The following PRKAG2 variants were observed in gnomAD, a reference collection of about 807,000 sequenced individuals.
PRKAG2 encodes the protein protein kinase AMP-activated non-catalytic subunit gamma 2.
In PRKAG2, 26 loss-of-function variants were observed where a neutral mutation model predicts 69.6. That is an observed-to-expected ratio of 0.37 (90% CI 0.27 to 0.52). The LOEUF (loss-of-function observed/expected upper bound fraction) is 0.52, where lower values mean the gene tolerates loss of function less well. Among genes scored for constraint, PRKAG2 ranks in the 20% least tolerant of loss-of-function variants. The probability of loss-of-function intolerance (pLI) is 0.90; values close to 1 mark genes in which losing one functional copy is unlikely to be tolerated. For synonymous variants in PRKAG2, 293 were observed against 285.0 expected (o/e 1.03, Z -0.28); for missense variants, 557 against 740.0 (o/e 0.75, Z 2.87).
rs188154954 is a variant in PRKAG2 at position 151,778,502 on chromosome 7, C to T, written c.466+2650G>A. On this transcript the variant is annotated intron_variant, in intron 3 of 15. Transcript: ENST00000287878. ...ATAGCAATGCAAAATGGAGCAACAC[C>T]GCCTCCCATCCTGGACCTCCACACT... is the stretch of plus-strand genomic sequence containing the variant. 4.6e-5 allele frequency among the ~76,000 whole-genome samples: 7 copies of T among 152,254 alleles called. No individual in the cohort carries two copies. In the East Asian group the frequency reaches 9.7e-4, roughly 21 times the overall value.
In PRKAG2 at chr7:151,596,098, G is replaced by A. The variant is rs551105171; in HGVS notation, c.755-644C>T. 4.6e-5 allele frequency among the ~76,000 whole-genome samples: 7 copies of A among 152,284 alleles called. No homozygotes were observed. In the South Asian group the frequency reaches 1.4e-3, roughly 32 times the overall value. On this transcript the variant is annotated intron_variant, in intron 5 of 15. Coordinates refer to ENST00000287878, the MANE Select transcript of PRKAG2 (RefSeq NM_016203.4). ...TGCCTGCTGTTGCTACTCTGTTCAA[G>A]GTAGTACTGGAAGTCCTTGTCAGAG...
intron 4 of PRKAG2, among the ~76,000 whole-genome samples, chr7:151,654,126 C>A (rs1274329321): frequency 6.6e-6 from 1 of 152,002 alleles, no homozygotes; most frequent in Non-Finnish European, 1.5e-5. Context: ...ACAGACAAAC[C>A]CATCCTTTTG....
intron 3 of PRKAG2, among the ~76,000 whole-genome samples, chr7:151,687,234 G>T (rs975168778): frequency 6.6e-6 from 1 of 152,196 alleles, no homozygotes; most frequent in African/African-American, 2.4e-5. Context: ...GGAGGTCAGA[G>T]TTCTACATCA....
intron 1 of PRKAG2, chr7:151,790,572 C>T (rs1232527990): frequency 6.6e-6 from 1 of 152,242 alleles, no homozygotes; most frequent in African/African-American, 2.4e-5. Context: ...ACTCCCCGAC[C>T]AAGCACCCTC....
In PRKAG2 at chr7:151,565,859, G is replaced by A. The variant is rs759892892; in HGVS notation, c.1260C>T (p.Phe420=). The change falls in exon 12 of 16, where the codon TTC becomes TTT. Residue 420 remains phenylalanine, a synonymous_variant. Transcript: ENST00000287878. ...CAAGCTCATCCAGGTTCTGCTTCAT[G>A]AAGGCAGGCTTTGGCATATCAGACA... ...LFMSDMPKPA[F]MKQNLDELGI... is the part of the protein sequence containing the mutation. 1.5e-5 allele frequency: 25 copies of A among 1,613,716 alleles called. No homozygotes were observed. Among genetic ancestry groups the A allele is most frequent in the Non-Finnish European group, 2.5e-6 (3 of 1,179,690 alleles).
At chr7:151,584,058 C>T (rs768621966) in intron 6 of PRKAG2, among the ~76,000 whole-genome samples, 3 of 152,200 alleles carry the variant, frequency 2.0e-5, no homozygotes, top group Admixed American at 1.3e-4. Context: ...AAGGGTCCAG[C>T]TTCTGAAATA....
At chr7:151,659,472 T>G (rs1829984025) in intron 4 of PRKAG2, among the ~76,000 whole-genome samples, 1 of 152,230 alleles carries the variant, frequency 6.6e-6, no homozygotes, top group Admixed American at 6.5e-5. Context: ...TAAAAAGGCA[T>G]GGATCAGTAT....
At chr7:151,574,549 C>T (rs769209696) in intron 8 of PRKAG2, among the ~76,000 whole-genome samples, 3 of 152,208 alleles carry the variant, frequency 2.0e-5, no homozygotes, top group Non-Finnish European at 4.4e-5. Flanking sequence ...TCTACCACCT[C>T]AACAGGCCCG....
chr7:151,870,837 A>G (rs537315106), intron 1 of PRKAG2, among the ~76,000 whole-genome samples: 1 of 152,328 alleles, frequency 6.6e-6, no homozygotes, highest in Non-Finnish European at 1.5e-5. Context: ...AGGCCCGCCC[A>G]AGCCCAGCCC....
At chr7:151,874,306 G>A (rs2080317476) in intron 1 of PRKAG2, among the ~76,000 whole-genome samples, 3 of 109,724 alleles carry the variant, frequency 2.7e-5, no homozygotes, top group Non-Finnish European at 5.4e-5. Context: ...TGATGTATAT[G>A]TATATGTATA....
chr7:151,778,261 C>G (rs886951588), intron 3 of PRKAG2, among the ~76,000 whole-genome samples: 2 of 152,114 alleles, frequency 1.3e-5, no homozygotes, highest in African/African-American at 4.8e-5. Flanking sequence ...GTGATAGCTC[C>G]ATCTCCCATG....
intron 1 of PRKAG2, among the ~76,000 whole-genome samples, chr7:151,827,204 T>C (rs911046366): frequency 1.3e-5 from 2 of 152,172 alleles, no homozygotes; most frequent in Non-Finnish European, 2.9e-5. Context: ...TGGGGTCCAG[T>C]GGGAACTGGG....
chr7:151,845,668 C>T (rs2079413292), intron 1 of PRKAG2, among the ~76,000 whole-genome samples: 1 of 152,160 alleles, frequency 6.6e-6, no homozygotes, highest in Non-Finnish European at 1.5e-5. Context: ...TTCCCAACCT[C>T]GTCATCCTCA....
chr7:151,798,258 T>A (rs2077659990), intron 1 of PRKAG2, among the ~76,000 whole-genome samples: 1 of 152,118 alleles, frequency 6.6e-6, no homozygotes, highest in African/African-American at 2.4e-5. Context: ...TACTTTGGCC[T>A]CCCAAAGTGT....
intron 1 of PRKAG2, among the ~76,000 whole-genome samples, chr7:151,844,394 GA>G (rs2079381164): frequency 1.3e-5 from 2 of 152,168 alleles, no homozygotes; most frequent in Non-Finnish European, 2.9e-5. Flanking sequence ...CAAAGAGGCG[GA>G]AGAGGACCCA....
chr7:151,751,442 C>T (rs898553439), intron 3 of PRKAG2, among the ~76,000 whole-genome samples: 2 of 151,728 alleles, frequency 1.3e-5, no homozygotes, highest in Non-Finnish European at 1.5e-5. Context: ...TTTTTTACAG[C>T]TACATGGTAC....
chr7:151,759,140 A>G (rs1278515743), intron 3 of PRKAG2, among the ~76,000 whole-genome samples: 1 of 151,780 alleles, frequency 6.6e-6, no homozygotes, highest in African/African-American at 2.4e-5. Context: ...CTCCCTCCCT[A>G]CTTGGTTCTG....
chr7:151,604,878 T>C (rs1817140053), intron 5 of PRKAG2, among the ~76,000 whole-genome samples: 1 of 152,176 alleles, frequency 6.6e-6, no homozygotes, highest in Admixed American at 6.5e-5. Context: ...CTTTGGAGGA[T>C]GCCCATTGGC....
At chr7:151,755,097 C>T (rs1052120097) in intron 3 of PRKAG2, among the ~76,000 whole-genome samples, 1 of 152,094 alleles carries the variant, frequency 6.6e-6, no homozygotes, top group Non-Finnish European at 1.5e-5. Flanking sequence ...CTGTCCTGAG[C>T]GGGGGTCGGG....
Sources: allele counts gnomAD v4.1 joint callset (sites outside exome capture counted in the v4.1 genomes callset), GRCh38; gene constraint gnomAD v4.1.1; transcripts MANE v1.5; gene names NCBI Gene and HGNC (gene_info 2026-07-23, HGNC 2026-07-21).